HS2ST1: variants seen among roughly 807,000 people sequenced by gnomAD.
HS2ST1 encodes heparan sulfate 2-O-sulfotransferase 1, also known as 2-O-sulfotransferase.
HS2ST1 carries 18 observed loss-of-function variants against 42.9 expected under a neutral mutation model. That is an observed-to-expected ratio of 0.42 (90% CI 0.29 to 0.62). The LOEUF is 0.62. HS2ST1 is among the 20% of genes least tolerant of loss of function. The pLI is 0.21. For synonymous variants in HS2ST1, 146 were observed against 152.9 expected, an observed-to-expected ratio of 0.95 and a Z score of 0.33; for missense variants, 334 against 433.8, an observed-to-expected ratio of 0.77 and a Z score of 2.04.
At chr1:87,063,449 G>C (rs1651166991) in intron 1 of HS2ST1, among the ~76,000 whole-genome samples, 1 of 152,090 alleles carries the variant, frequency 6.6e-6, no homozygotes, top group Admixed American at 6.6e-5. Context: ...TGATTCTCCT[G>C]CCTCATCCTC....
chr1:87,101,160 T>TG (rs1652194397), intron 5 of HS2ST1, among the ~76,000 whole-genome samples: 4 of 110,190 alleles, frequency 3.6e-5, no homozygotes, highest in Non-Finnish European at 5.7e-5. Context: ...TTTTTTGTTT[T>TG]TTTTTTTTTT....
rs561155687 is a variant in HS2ST1, at chr1:87,030,629, C to T, written c.125-42305C>T. On this transcript the variant is annotated intron_variant, in intron 1 of 6. Coordinates refer to ENST00000370550, the MANE Select transcript of HS2ST1 (RefSeq NM_012262.4). ...TATTTGACTTAGTAATATTTCTTTC[C>T]AGATTTTTTCTAAGTAACAAAGAAA... Among the ~76,000 whole-genome samples the T allele has an allele frequency of 1.1e-4, 16 of 152,164 alleles. No homozygotes were observed. In the South Asian group the frequency reaches 1.9e-3, roughly 18 times the overall value.
At chr1:86,990,828 ATATATATATTTTTTTTTTT>A (rs1648925203) in intron 1 of HS2ST1, among the ~76,000 whole-genome samples, 1 of 17,760 alleles carries the variant, frequency 5.6e-5, no homozygotes, top group Non-Finnish European at 2.1e-4. Context: ...ATATATATAT[ATATATATATTTTTTTTTTT>A]TTTTTTTTTT....
chr1:87,051,774 T>C (rs1307752236), intron 1 of HS2ST1, among the ~76,000 whole-genome samples: 1 of 152,206 alleles, frequency 6.6e-6, no homozygotes, highest in African/African-American at 2.4e-5. Context: ...TACAGGATCC[T>C]GAATAATGGT....
chr1:87,102,146 C>T (rs974931225), intron 5 of HS2ST1, among the ~76,000 whole-genome samples: 1 of 150,798 alleles, frequency 6.6e-6, no homozygotes, highest in South Asian at 2.1e-4. Context: ...CAAACCTCCA[C>T]CTCCCAGGTT....
At chr1:87,011,278 T>A (rs1046758405) in intron 1 of HS2ST1, among the ~76,000 whole-genome samples, 4 of 152,132 alleles carry the variant, frequency 2.6e-5, no homozygotes, top group Non-Finnish European at 1.5e-5. Context: ...TATTATTTTT[T>A]AAATTTTGCC....
At chr1:87,030,931 T>C (rs1650219943) in intron 1 of HS2ST1, among the ~76,000 whole-genome samples, 1 of 152,112 alleles carries the variant, frequency 6.6e-6, no homozygotes, top group African/African-American at 2.4e-5. Context: ...GTTCTTTAAG[T>C]CTCAGTATTG....
At chr1:86,934,296 A>AT (rs1422988208) in intron 1 of HS2ST1, 1 of 151,820 alleles carries the variant, frequency 6.6e-6, no homozygotes, top group Non-Finnish European at 1.5e-5. Flanking sequence ...CAGAATGGTT[A>AT]TTTTTTCTCT....
intron 1 of HS2ST1, among the ~76,000 whole-genome samples, chr1:86,995,688 T>C (rs1649076466): frequency 6.6e-6 from 1 of 152,190 alleles, no homozygotes; most frequent in Admixed American, 6.6e-5. Context: ...GGAAGTTATG[T>C]CAGTAACTGG....
intron 1 of HS2ST1, among the ~76,000 whole-genome samples, chr1:87,018,732 T>C (rs892224876): frequency 6.6e-6 from 1 of 152,190 alleles, no homozygotes; most frequent in African/African-American, 2.4e-5. Flanking sequence ...ATATAGTAGG[T>C]ATTCTTTCTT....
At chr1:87,046,461 G>A (rs1038545067) in intron 1 of HS2ST1, 23 of 1,028,056 alleles carry the variant, frequency 2.2e-5, no homozygotes, top group African/African-American at 2.2e-4. Flanking sequence ...GACATTAAAC[G>A]TATTTCCACT....
chr1:87,050,049 A>C (rs534116666), intron 1 of HS2ST1, among the ~76,000 whole-genome samples: 5 of 152,116 alleles, frequency 3.3e-5, no homozygotes, highest in African/African-American at 9.6e-5. Flanking sequence ...TTTGTCATGA[A>C]TATGGCTACA....
At chr1:86,975,220 G>A (rs895055336) in intron 1 of HS2ST1, among the ~76,000 whole-genome samples, 1 of 151,164 alleles carries the variant, frequency 6.6e-6, no homozygotes, top group Non-Finnish European at 1.5e-5. Context: ...TACTTTCCAT[G>A]TGATCTAAAA....
chr1:87,010,473 A>G (rs1172583196), intron 1 of HS2ST1, among the ~76,000 whole-genome samples: 2 of 152,318 alleles, frequency 1.3e-5, no homozygotes, highest in East Asian at 3.9e-4. Context: ...TACTGCAAAA[A>G]TAAATTGGCA....
rs1383481081 is a variant in HS2ST1, at chr1:86,914,974, C to T, written c.-63C>T. 5 of 1,601,068 alleles carry T rather than the reference C, an allele frequency of 3.1e-6. No individual in the cohort carries two copies. Among genetic ancestry groups the T allele is most frequent in the Non-Finnish European group, 4.3e-6 (5 of 1,174,386 alleles). ...TCGGCGGGCTCCTCCCGGCGTCTCT[C>T]TCGCCTCCGGGGTCCCGCTCCCCGC... is the stretch of plus-strand genomic sequence containing the variant. On this transcript the variant is annotated 5_prime_UTR_variant, in exon 1 of 7. Transcript: ENST00000370550.
At position 87,103,604 on chromosome 1, in the gene HS2ST1, G is replaced by T; in HGVS notation, c.844+15G>T. On this transcript the variant is annotated intron_variant, in intron 6 of 6. Coordinates refer to ENST00000370550, the MANE Select transcript of HS2ST1 (RefSeq NM_012262.4). ...CTATCGCACAGGTATATAAAGGAAGGGTTTCTTTTTAAAGCTTTCTTTGGT... is the reference window on the plus strand; with the variant it reads ...CTATCGCACAGGTATATAAAGGAAGTGTTTCTTTTTAAAGCTTTCTTTGGT... The T allele has an allele frequency of 6.6e-7, 1 of 1,515,736 alleles. No individual in the cohort carries two copies. Among genetic ancestry groups the T allele is most frequent in the Non-Finnish European group, 8.8e-7 (1 of 1,136,240 alleles). The allele number at this position is 1,515,736 out of a possible 1,614,324, so 93.9% of individuals were successfully genotyped here.
intron 1 of HS2ST1, among the ~76,000 whole-genome samples, chr1:86,985,368 G>GTA (rs1553135008): frequency 0.077 from 2,081 of 26,952 alleles, 472 homozygotes; most frequent in African/African-American, 0.16. Context: ...AAAAAAAAAA[G>GTA]TATATATATA....
intron 1 of HS2ST1, among the ~76,000 whole-genome samples, chr1:86,924,438 G>A (rs1660369076): frequency 1.3e-5 from 2 of 152,154 alleles, no homozygotes; most frequent in South Asian, 4.1e-4. Flanking sequence ...TCTGTGTGGG[G>A]GCTGCAACCC....
intron 1 of HS2ST1, among the ~76,000 whole-genome samples, chr1:86,967,204 C>G (rs184686415): frequency 1.4e-4 from 21 of 152,202 alleles, no homozygotes; most frequent in Admixed American, 1.3e-3. Flanking sequence ...CTTATTTAGT[C>G]TTTGAAGGAG....
Sources: gnomAD v4.1 joint callset for allele counts (sites outside exome capture counted in the v4.1 genomes callset) on GRCh38, gnomAD v4.1.1 for gene constraint, MANE v1.5 for transcripts, NCBI Gene and HGNC (gene_info 2026-07-23, HGNC 2026-07-21) for gene names.